RPS6KA2: variants seen among roughly 807,000 people sequenced by gnomAD.
The protein encoded by RPS6KA2 is ribosomal protein S6 kinase alpha-2.
RPS6KA2 carries 42 observed loss-of-function variants against 91.8 expected under a neutral mutation model. That is an observed-to-expected ratio of 0.46 (90% confidence interval 0.36 to 0.59). The LOEUF (loss-of-function observed/expected upper bound fraction) is 0.59. Ranked by LOEUF, RPS6KA2 falls within the 20% of genes least tolerant of loss-of-function variation. RPS6KA2 has a pLI of 0.00. For missense variants in RPS6KA2, 798 were observed against 978.5 expected (o/e 0.82, Z 2.46); for synonymous variants, 414 against 393.6 (o/e 1.05, Z -0.61).
At chr6:166,655,285 C>G (rs1229762535) in intron 2 of RPS6KA2, among the ~76,000 whole-genome samples, 7 of 152,158 alleles carry the variant, frequency 4.6e-5, no homozygotes, top group Non-Finnish European at 8.8e-5. Context: ...AGTTTACATG[C>G]CCTACAGGAA....
chr6:166,629,198 C>A (rs867666628), upstream of RPS6KA2, among the ~76,000 whole-genome samples: 1 of 152,220 alleles, frequency 6.6e-6, no homozygotes, highest in East Asian at 1.9e-4. Flanking sequence ...ATGCTTCCCT[C>A]GGAAGGGGAG....
At chr6:166,676,085 G>C (rs944189036) in intron 2 of RPS6KA2, among the ~76,000 whole-genome samples, 1 of 152,074 alleles carries the variant, frequency 6.6e-6, no homozygotes, top group Non-Finnish European at 1.5e-5. Flanking sequence ...GGAGGCCGAG[G>C]GGGGATGGAT....
intron 2 of RPS6KA2, among the ~76,000 whole-genome samples, chr6:166,690,575 C>A (rs553103953): frequency 2.0e-5 from 3 of 152,302 alleles, no homozygotes; most frequent in South Asian, 2.1e-4. Flanking sequence ...GAACTCCAGG[C>A]GTCCTCTGAC....
chr6:166,448,859 G>A lies in RPS6KA2; in HGVS notation c.1207-10C>T. The A allele has an allele frequency of 6.2e-7, 1 of 1,613,528 alleles. No homozygotes were observed. The highest frequency in any genetic ancestry group is 8.5e-7 in the Non-Finnish European group (1 of 1,179,694). ...TGTTCCCGTGTAACTGCTGCAGAGG[G>A]ACCAAGAGAAGAAGAGTTGTCGGAA... On this transcript the variant is annotated splice_polypyrimidine_tract_variant and intron_variant, in intron 13 of 20. Transcript: ENST00000265678. This position sits in a 1 kb window ranked among gnomAD's most constrained non-coding sequence, Gnocchi z 4.7.
chr6:166,455,065 T>C (rs979425064), intron 12 of RPS6KA2, among the ~76,000 whole-genome samples: 2 of 152,044 alleles, frequency 1.3e-5, no homozygotes, highest in Middle Eastern at 6.3e-3. Context: ...TGTGTGCATA[T>C]TTGTATATTC....
rs1324508496 is a variant in RPS6KA2 at position 166,411,464 on chromosome 6, T to C, written c.*1298A>G. 2 of 152,254 alleles carry C rather than the reference T, an allele frequency of 1.3e-5. No homozygotes were observed. The highest frequency in any genetic ancestry group is 4.8e-5 in the African/African-American group (2 of 41,436). The allele number at this position is 152,254 out of a possible 1,614,324, so 9.4% of individuals were successfully genotyped here. A position where few individuals can be genotyped will look rare whatever the true frequency, so the allele number is the denominator to read the frequency against. The stretch of plus-strand genomic sequence containing the variant: ...CTTACAGGACAATGAAGGACCCGTG[T>C]GTTCCCTCTGCCGGCTGGACTGGGC... On this transcript the variant is annotated 3_prime_UTR_variant, in exon 21 of 21. Coordinates refer to ENST00000265678, the MANE Select transcript of RPS6KA2 (RefSeq NM_021135.6). The surrounding 1 kb of genome is among the most constrained non-coding windows in gnomAD (Gnocchi z 4.5).
chr6:166,512,776 T>A (rs1451480820), intron 3 of RPS6KA2, among the ~76,000 whole-genome samples: 3 of 152,252 alleles, frequency 2.0e-5, no homozygotes, highest in Admixed American at 2.0e-4. Flanking sequence ...CTAAGAAACC[T>A]GTGCAGTGAT....
At chr6:166,661,628 T>G (rs1210795728) in intron 2 of RPS6KA2, among the ~76,000 whole-genome samples, 1 of 152,098 alleles carries the variant, frequency 6.6e-6, no homozygotes, top group Non-Finnish European at 1.5e-5. Context: ...AAAATCTACA[T>G]TTATATTTTC....
chr6:166,857,385 G>C (rs1207049269), intron 2 of RPS6KA2, among the ~76,000 whole-genome samples: 1 of 152,182 alleles, frequency 6.6e-6, no homozygotes, highest in East Asian at 1.9e-4. Flanking sequence ...TTTACCAGTG[G>C]TGGAAGTGTG....
intron 2 of RPS6KA2, among the ~76,000 whole-genome samples, chr6:166,854,760 C>T (rs1160789468): frequency 6.6e-6 from 1 of 152,172 alleles, no homozygotes; most frequent in African/African-American, 2.4e-5. Context: ...TGTAAATCAG[C>T]ACAACCTCTA....
At chr6:166,782,677 T>C (rs184059005) in intron 2 of RPS6KA2, among the ~76,000 whole-genome samples, 7 of 152,258 alleles carry the variant, frequency 4.6e-5, no homozygotes, top group African/African-American at 1.7e-4. Context: ...GGCAGATGGC[T>C]ACAGCCTGCT....
chr6:166,424,620 T>C (rs537486053), intron 16 of RPS6KA2, among the ~76,000 whole-genome samples: 1 of 152,218 alleles, frequency 6.6e-6, no homozygotes, highest in East Asian at 1.9e-4. Context: ...TGTGTGACCT[T>C]GGCCAAGATA....
At chr6:166,540,076 C>A (rs1783608236) in intron 1 of RPS6KA2, among the ~76,000 whole-genome samples, 1 of 152,160 alleles carries the variant, frequency 6.6e-6, no homozygotes. Context: ...TCTCCTGAGA[C>A]TCAGATTACA....
chr6:166,532,129 G>A (rs755877123), intron 2 of RPS6KA2, among the ~76,000 whole-genome samples: 2 of 152,252 alleles, frequency 1.3e-5, no homozygotes, highest in Admixed American at 6.5e-5. Context: ...CTGGAGGGCC[G>A]AGGTAGGGTG....
At chr6:166,789,749 A>G (rs992101922) in intron 2 of RPS6KA2, among the ~76,000 whole-genome samples, 9 of 152,238 alleles carry the variant, frequency 5.9e-5, no homozygotes, top group African/African-American at 2.2e-4. Flanking sequence ...ACCCAGGCAA[A>G]CAGGGTCTGG....
intron 2 of RPS6KA2, among the ~76,000 whole-genome samples, chr6:166,851,405 T>C (rs1353642759): frequency 5.3e-5 from 8 of 152,214 alleles, no homozygotes. Context: ...AGGTGATTCT[T>C]GGCTGTGATC....
In RPS6KA2 at chr6:166,491,413, T is replaced by C. The variant is rs1781583386; in HGVS notation, c.748-672A>G. On this transcript the variant is annotated intron_variant, in intron 8 of 20. Transcript: ENST00000265678. ...CTCCCCCGGGCACATGCAGTGGTGATTACACACACTCTGGAAGCAGTGGCC... is the reference window on the plus strand; with the variant it reads ...CTCCCCCGGGCACATGCAGTGGTGACTACACACACTCTGGAAGCAGTGGCC... Among the ~76,000 whole-genome samples the C allele has an allele frequency of 4.6e-5, 7 of 152,140 alleles. No homozygotes were observed. The South Asian group carries it at 1.4e-3, about 31-fold the overall frequency.
chr6:166,436,900 G>A lies in RPS6KA2; in HGVS notation c.1333-4410C>T, dbSNP rs1009717696. On this transcript the variant is annotated intron_variant, in intron 14 of 20. Coordinates refer to ENST00000265678, the MANE Select transcript of RPS6KA2 (RefSeq NM_021135.6). Reference sequence around the variant, plus strand: ...CTGGGCTCCCGCCTTCCCCTGACCCGGGAGAATTAATCCAAATCAAGCCAA... The same window carrying A: ...CTGGGCTCCCGCCTTCCCCTGACCCAGGAGAATTAATCCAAATCAAGCCAA... Among the ~76,000 whole-genome samples the A allele has an allele frequency of 8.5e-5, 13 of 152,246 alleles. No individual in the cohort carries two copies. In the South Asian group the frequency reaches 2.3e-3, roughly 27 times the overall value.
At chr6:166,646,310 A>G (rs1787599821) in intron 2 of RPS6KA2, among the ~76,000 whole-genome samples, 1 of 152,204 alleles carries the variant, frequency 6.6e-6, no homozygotes, top group Non-Finnish European at 1.5e-5. Context: ...AGACCCAGGT[A>G]GCAGGGACCC....
Sources: allele counts gnomAD v4.1 joint callset (sites outside exome capture counted in the v4.1 genomes callset), GRCh38; gene constraint gnomAD v4.1.1; non-coding constraint Gnocchi (gnomAD v3.1); transcripts MANE v1.5; gene names NCBI Gene and HGNC (gene_info 2026-07-23, HGNC 2026-07-21).